Variants in LOC128706665 observed in about 807,000 individuals in gnomAD.
chr20:10,427,514 T>C, the LOC128706665 span, among the ~76,000 whole-genome samples: 1 of 152,232 alleles, frequency 6.6e-6, no homozygotes, highest in African/African-American at 2.4e-5. Context: ...ACAATGACAA[T>C]GTTGGCTTTA....
the LOC128706665 span, among the ~76,000 whole-genome samples, chr20:10,427,968 A>T: frequency 6.6e-6 from 1 of 152,248 alleles, no homozygotes; most frequent in Non-Finnish European, 1.5e-5. Flanking sequence ...CAGAAGGCCG[A>T]AACAGGTATG....
chr20:10,414,652 G>T, the LOC128706665 span, among the ~76,000 whole-genome samples: 1 of 152,104 alleles, frequency 6.6e-6, no homozygotes, highest in Admixed American at 6.6e-5. Context: ...ATTGTGGTTT[G>T]CTTGGAAACT....
chr20:10,415,667 T>C, the LOC128706665 span, among the ~76,000 whole-genome samples: 1 of 152,252 alleles, frequency 6.6e-6, no homozygotes, highest in African/African-American at 2.4e-5. Context: ...GACTTCTATA[T>C]GTTAATTTGC....
At chr20:10,430,619 C>T in the LOC128706665 span, among the ~76,000 whole-genome samples, 6 of 152,146 alleles carry the variant, frequency 3.9e-5, no homozygotes, top group Non-Finnish European at 8.8e-5. Context: ...AATAAAAATA[C>T]CCAGTCTCAA....
At chr20:10,415,288 AATCT>A in the LOC128706665 span, among the ~76,000 whole-genome samples, 1 of 152,078 alleles carries the variant, frequency 6.6e-6, no homozygotes, top group Non-Finnish European at 1.5e-5. Flanking sequence ...AAATGAAACA[AATCT>A]ATTTAGCCTA....
At chr20:10,432,284 T>C in the LOC128706665 span, among the ~76,000 whole-genome samples, 16 of 152,334 alleles carry the variant, frequency 1.1e-4, no homozygotes, top group African/African-American at 3.8e-4. Flanking sequence ...CCAATCCTGC[T>C]TCCTTTCTTC....
At chr20:10,427,523 T>C in the LOC128706665 span, among the ~76,000 whole-genome samples, 1 of 152,248 alleles carries the variant, frequency 6.6e-6, no homozygotes, top group Non-Finnish European at 1.5e-5. Context: ...ATGTTGGCTT[T>C]AGGTATTTGT....
At chr20:10,425,166 G>A in the LOC128706665 span, among the ~76,000 whole-genome samples, 1 of 152,060 alleles carries the variant, frequency 6.6e-6, no homozygotes, top group African/African-American at 2.4e-5. Flanking sequence ...GGAAAAGAGA[G>A]CTAAAATCTT....
the LOC128706665 span, chr20:10,431,660 T>C: frequency 2.0e-5 from 3 of 152,206 alleles, no homozygotes; most frequent in African/African-American, 7.2e-5. Context: ...TCCTCTGAAT[T>C]AGTCTCAATC....
At chr20:10,425,312 C>G in the LOC128706665 span, among the ~76,000 whole-genome samples, 1 of 152,254 alleles carries the variant, frequency 6.6e-6, no homozygotes, top group South Asian at 2.1e-4. Flanking sequence ...TTTGACCAAT[C>G]TGTGATTGAA....
At chr20:10,426,930 A>C in the LOC128706665 span, among the ~76,000 whole-genome samples, 1 of 152,134 alleles carries the variant, frequency 6.6e-6, no homozygotes, top group Non-Finnish European at 1.5e-5. Context: ...TGACAGCAAG[A>C]GATTAATGAA....
At chr20:10,419,772 C>T in the LOC128706665 span, among the ~76,000 whole-genome samples, 2 of 152,116 alleles carry the variant, frequency 1.3e-5, no homozygotes, top group Non-Finnish European at 2.9e-5. Context: ...TCACATCCTG[C>T]GTGGATGAAG....
the LOC128706665 span, among the ~76,000 whole-genome samples, chr20:10,430,280 C>T: frequency 6.6e-6 from 1 of 152,184 alleles, no homozygotes; most frequent in Non-Finnish European, 1.5e-5. Context: ...GGCTTTGAAT[C>T]TTCACTTACC....
the LOC128706665 span, among the ~76,000 whole-genome samples, chr20:10,431,230 A>G: frequency 6.6e-6 from 1 of 152,168 alleles, no homozygotes; most frequent in Non-Finnish European, 1.5e-5. Flanking sequence ...GAATATTTTG[A>G]CTAAAATTGG....
chr20:10,427,021 A>ACACACACACAC, the LOC128706665 span, among the ~76,000 whole-genome samples: 1 of 114,724 alleles, frequency 8.7e-6, no homozygotes, highest in Non-Finnish European at 1.9e-5. Flanking sequence ...CCAAGAAAAG[A>ACACACACACAC]AAACACTGAC....
the LOC128706665 span, chr20:10,413,991 A>T: frequency 2.5e-6 from 1 of 397,536 alleles, no homozygotes. Flanking sequence ...TGTAGACTGC[A>T]GTTTAATAAT....
chr20:10,418,637 C>A, the LOC128706665 span, among the ~76,000 whole-genome samples: 1 of 152,126 alleles, frequency 6.6e-6, no homozygotes, highest in East Asian at 1.9e-4. Context: ...ATTCACCTAA[C>A]ATTTTAGAGG....
the LOC128706665 span, among the ~76,000 whole-genome samples, chr20:10,431,518 T>C: frequency 7.0e-6 from 1 of 143,834 alleles, no homozygotes; most frequent in Non-Finnish European, 1.5e-5. Flanking sequence ...CAATGCTGTA[T>C]AGGGTCAAAA....
At chr20:10,415,692 A>G in the LOC128706665 span, among the ~76,000 whole-genome samples, 1 of 151,894 alleles carries the variant, frequency 6.6e-6, no homozygotes, top group Non-Finnish European at 1.5e-5. Context: ...TAAAACTTAC[A>G]TACACACCCC....
Sources: allele counts gnomAD v4.1 joint callset (sites outside exome capture counted in the v4.1 genomes callset), GRCh38; gene constraint gnomAD v4.1.1; transcripts MANE v1.5.